The following KCNC4 variants were observed in gnomAD, a reference collection of about 807,000 sequenced individuals.
The protein encoded by KCNC4 is potassium voltage-gated channel subfamily C member 4, also known as voltage-gated potassium channel KCNC4.
Under a neutral mutation model 42.8 loss-of-function variants are expected in KCNC4, and 23 were observed. That is an observed-to-expected ratio of 0.54 (90% CI 0.39 to 0.76). The LOEUF (loss-of-function observed/expected upper bound fraction) is 0.76, where lower values mean the gene tolerates loss of function less well. Among genes scored for constraint, KCNC4 ranks in the 30% least tolerant of loss-of-function variants. The pLI is 0.00. For synonymous variants in KCNC4, 422 were observed against 393.5 expected (o/e 1.07, Z -0.86); for missense variants, 751 against 898.2 (o/e 0.84, Z 2.10).
downstream of KCNC4, among the ~76,000 whole-genome samples, chr1:110,283,647 C>T (rs758510284): frequency 3.5e-4 from 54 of 152,206 alleles, 1 homozygote; most frequent in Non-Finnish European, 5.9e-5. Flanking sequence ...GGCCCCAGCT[C>T]TCTTTAGCTA....
chr1:110,220,880 T>C (rs1658060557), intron 1 of KCNC4: 1 of 152,228 alleles, frequency 6.6e-6, no homozygotes, highest in African/African-American at 2.4e-5. Flanking sequence ...TAAATTTACC[T>C]TCACAGGGGA....
chr1:110,211,519 TCTC>T lies in KCNC4; in HGVS notation c.26_28del (p.Ser9del), dbSNP rs748484156. On this transcript the variant is annotated inframe_deletion, in exon 1 of 4. Transcript: ENST00000438661. This position sits in a 1 kb window ranked among gnomAD's most constrained non-coding sequence, Gnocchi z 6.5. Reference sequence around the variant, plus strand: ...CTTCTTATGATCAGCTCGGTGTGTGTCTCCTCCTACCGCGGGCGCAAGTCGGGG... The same window carrying T: ...CTTCTTATGATCAGCTCGGTGTGTGTCTCCTACCGCGGGCGCAAGTCGGGG... The T allele has an allele frequency of 1.5e-5, 25 of 1,613,706 alleles. No individual in the cohort carries two copies. The highest frequency in any genetic ancestry group is 4.0e-5 in the African/African-American group (3 of 74,902).
intron 3 of KCNC4, chr1:110,228,536 G>A (rs1658528736): frequency 1.3e-5 from 2 of 152,802 alleles, no homozygotes; most frequent in Admixed American, 1.3e-4. Context: ...CACCAAGGCT[G>A]TGGAAAGTCC....
At chr1:110,224,275 C>G (rs1249037848) in intron 2 of KCNC4, 2 of 203,114 alleles carry the variant, frequency 9.8e-6, no homozygotes, top group African/African-American at 4.6e-5. Flanking sequence ...ATCCTACCCT[C>G]AAGACTTTGA....
intron 1 of KCNC4, among the ~76,000 whole-genome samples, chr1:110,273,568 T>C (rs1659670785): frequency 6.6e-6 from 1 of 152,230 alleles, no homozygotes; most frequent in South Asian, 2.1e-4. Flanking sequence ...GGATTTGAAC[T>C]GTGTTGCTCC....
intron 1 of KCNC4, among the ~76,000 whole-genome samples, chr1:110,274,640 G>A (rs1238508560): frequency 6.6e-6 from 1 of 152,048 alleles, no homozygotes; most frequent in Non-Finnish European, 1.5e-5. Context: ...AAACAAAACA[G>A]CATGGCATGA....
At chr1:110,231,231 C>G (rs1436437086) in intron 3 of KCNC4, among the ~76,000 whole-genome samples, 1 of 152,202 alleles carries the variant, frequency 6.6e-6, no homozygotes, top group Non-Finnish European at 1.5e-5. Flanking sequence ...AGGCCATGGA[C>G]TGGCTGCAGG....
In KCNC4 at chr1:110,223,281, C is replaced by T. The variant is rs376805682; in HGVS notation, c.996C>T (p.Ser332=). The change falls in exon 2 of 4, where the codon AGC becomes AGT. Residue 332 remains serine, a synonymous_variant. Transcript: ENST00000438661. This position sits in a 1 kb window ranked among gnomAD's most constrained non-coding sequence, Gnocchi z 7.5. ...CCTTCTACCTGGAGGTGGGGCTGAG[C>T]GGCCTGTCATCCAAGGCGGCCCGCG... The part of the protein sequence containing the change: ...ILPFYLEVGL[S]GLSSKAARDV... 1.4e-5 allele frequency: 22 copies of T among 1,614,092 alleles called. No homozygotes were observed. Among genetic ancestry groups the T allele is most frequent in the African/African-American group, 9.3e-5 (7 of 74,942 alleles).
At position 110,223,776 on chromosome 1, in the gene KCNC4, A is replaced by G; in HGVS notation, c.1491A>G (p.Pro497=). The change falls in exon 2 of 4, where the codon CCA becomes CCG. Residue 497 remains proline, a synonymous_variant. Transcript: ENST00000438661. The surrounding 1 kb of genome is among the most constrained non-coding windows in gnomAD (Gnocchi z 7.5). ...CCAAGAAACGGAAGAAGCACGTGCCACGGCCGGCGCAGCTGGAGTCACCCA... is the reference window on the plus strand; with the variant it reads ...CCAAGAAACGGAAGAAGCACGTGCCGCGGCCGGCGCAGCTGGAGTCACCCA... ...KLPKKRKKHV[P]RPAQLESPMY... 1 of 1,614,138 alleles carries G rather than the reference A, an allele frequency of 6.2e-7. No individual in the cohort carries two copies. The highest frequency in any genetic ancestry group is 8.5e-7 in the Non-Finnish European group (1 of 1,180,026).
intron 3 of KCNC4, 36 bp downstream of exon 3, chr1:110,226,214 C>G (rs771171754): frequency 6.3e-7 from 1 of 1,598,082 alleles, no homozygotes. Flanking sequence ...GGGGAGCCCC[C>G]ACAGAGCTGA....
Position 110,211,763 on chromosome 1 carries a change from CGGCGGG to C in KCNC4, c.268_273del (p.Gly90_Gly91del), listed in dbSNP as rs760216181. 8 of 1,609,270 alleles carry C rather than the reference CGGCGGG, an allele frequency of 5.0e-6. No individual in the cohort carries two copies. In the East Asian group the frequency reaches 1.8e-4, roughly 36 times the overall value. On this transcript the variant is annotated inframe_deletion, in exon 1 of 4. Transcript: ENST00000438661. The surrounding 1 kb of genome is among the most constrained non-coding windows in gnomAD (Gnocchi z 6.5). ...GTGTGGGTAGCAGCGGCAGCAGCGG[CGGCGGG>C]GGCTGCGAGTTCTTCTTCGACAGGC...
intron 1 of KCNC4, among the ~76,000 whole-genome samples, chr1:110,213,085 C>T (rs1363173487): frequency 6.7e-6 from 1 of 148,818 alleles, no homozygotes; most frequent in Non-Finnish European, 1.5e-5. Flanking sequence ...CTACCGCCTC[C>T]TCCCCAAGTA....
intron 1 of KCNC4, among the ~76,000 whole-genome samples, chr1:110,256,192 G>A (rs926946644): frequency 7.9e-5 from 12 of 152,092 alleles, no homozygotes; most frequent in South Asian, 4.1e-4. Context: ...TCCTGCATTC[G>A]ACAAACATTT....
At chr1:110,245,743 T>C (rs1659132639) in exon 4 of KCNC4, 1 of 152,292 alleles carries the variant, frequency 6.6e-6, no homozygotes, top group African/African-American at 2.4e-5. Flanking sequence ...CTTCCTCTTC[T>C]CTTCTCTTGG....
rs56333861 is a variant in KCNC4 at position 110,257,720 on chromosome 1, C to CA, written n.31-24792dup. 2.5e-3 allele frequency among the ~76,000 whole-genome samples: 230 copies of CA among 90,790 alleles called. 1 individual carries two copies. Among genetic ancestry groups the CA allele is most frequent in the Middle Eastern group, 7.2e-3 (1 of 138 alleles). The allele number at this position is 90,790 out of a possible 152,430, so 59.6% of individuals were successfully genotyped here. ...TTGGCAACAGAGCGAGACTCCGTCT[C>CA]AAAAAAAAAAAAAAAAAAAAAAGTC... On this transcript the variant is annotated intron_variant and non_coding_transcript_variant, in intron 1 of 2. Transcript: ENST00000412512.
Position 110,223,043 on chromosome 1 carries a change from TCGAC to T in KCNC4, c.761_764del (p.Asp254AlafsTer3). On this transcript the variant is annotated frameshift_variant, in exon 2 of 4. Transcript: ENST00000438661. LOFTEE classifies it high-confidence loss of function. This position sits in a 1 kb window ranked among gnomAD's most constrained non-coding sequence, Gnocchi z 7.5. Reference sequence around the variant, plus strand: ...CTGGAGACCCATGAGGCCTTTAATATCGACCGCAACGTGACAGAGATCCTCCGCG... The same window carrying T: ...CTGGAGACCCATGAGGCCTTTAATATCGCAACGTGACAGAGATCCTCCGCG... The T allele has an allele frequency of 6.2e-7, 1 of 1,614,110 alleles. No individual in the cohort carries two copies.
chr1:110,263,849 C>T (rs1659495855), intron 1 of KCNC4, among the ~76,000 whole-genome samples: 1 of 151,678 alleles, frequency 6.6e-6, no homozygotes, highest in Non-Finnish European at 1.5e-5. Flanking sequence ...TGGGGGTCTC[C>T]ATTTGGGGAG....
intron 1 of KCNC4, among the ~76,000 whole-genome samples, chr1:110,219,431 TGG>T (rs1657974833): frequency 6.6e-6 from 1 of 152,210 alleles, no homozygotes; most frequent in Non-Finnish European, 1.5e-5. Flanking sequence ...TTCATTTACC[TGG>T]TTGAGTGGCA....
At chr1:110,274,409 A>C (rs1014683970) in intron 1 of KCNC4, among the ~76,000 whole-genome samples, 10 of 152,240 alleles carry the variant, frequency 6.6e-5, no homozygotes, top group African/African-American at 2.4e-4. Context: ...GATTGAAAGA[A>C]TTAATATTGT....
Sources: allele counts gnomAD v4.1 joint callset (sites outside exome capture counted in the v4.1 genomes callset), GRCh38; gene constraint gnomAD v4.1.1; non-coding constraint Gnocchi (gnomAD v3.1); transcripts MANE v1.5; gene names NCBI Gene and HGNC (gene_info 2026-07-23, HGNC 2026-07-21).